The following ZNF143 variants were observed in gnomAD, a reference collection of about 807,000 sequenced individuals.
The protein encoded by ZNF143 is zinc finger protein 143.
In ZNF143, 49 loss-of-function variants were observed where a neutral mutation model predicts 74.1. The ratio of observed to expected loss-of-function variants is 0.66; its 90% CI spans 0.53 to 0.84. ZNF143 has a LOEUF of 0.84. ZNF143 is among the 40% of genes least tolerant of loss of function. ZNF143 has a pLI of 0.00. For missense variants in ZNF143, 637 were observed against 793.4 expected, an observed-to-expected ratio of 0.80 and a Z score of 2.37; for synonymous variants, 304 against 282.8, an observed-to-expected ratio of 1.07 and a Z score of -0.75.
intron 7 of ZNF143, among the ~76,000 whole-genome samples, chr11:9,488,475 T>C (rs992273244): frequency 1.3e-5 from 2 of 152,156 alleles, no homozygotes; most frequent in African/African-American, 4.8e-5. Context: ...TTCTTCTAGA[T>C]AACACTCCAA....
intron 11 of ZNF143, among the ~76,000 whole-genome samples, chr11:9,503,260 G>C (rs1396518108): frequency 6.6e-6 from 1 of 152,018 alleles, no homozygotes; most frequent in East Asian, 1.9e-4. Context: ...TTCACTTCTG[G>C]CTATTAAGAA....
intron 7 of ZNF143, among the ~76,000 whole-genome samples, chr11:9,480,441 A>G (rs12099185): frequency 1.4e-3 from 215 of 152,204 alleles, no homozygotes; most frequent in African/African-American, 4.6e-3. Context: ...TTAACTCCTA[A>G]AGTTACTACT....
At chr11:9,478,716 G>C (rs899723475) in intron 6 of ZNF143, 130 bp downstream of exon 6, 1 of 993,860 alleles carries the variant, frequency 1.0e-6, no homozygotes. Flanking sequence ...TGGCGTGATG[G>C]CTCACGCCTA....
At chr11:9,505,680 G>A (rs1002597295) in intron 11 of ZNF143, among the ~76,000 whole-genome samples, 7 of 151,444 alleles carry the variant, frequency 4.6e-5, no homozygotes, top group Admixed American at 1.3e-4. Context: ...TCAGAGTTTC[G>A]TGACCAGCCT....
At chr11:9,472,966 A>G (rs552949387) in intron 3 of ZNF143, among the ~76,000 whole-genome samples, 197 bp downstream of exon 3, 7 of 150,046 alleles carry the variant, frequency 4.7e-5, no homozygotes, top group African/African-American at 1.7e-4. Context: ...TATTTGGAAG[A>G]TACCCTGGGA....
chr11:9,494,671 GAGTAACTGCTAAATCTCAAC>G lies in ZNF143; in HGVS notation c.674_693del (p.Val225GlufsTer9). On this transcript the variant is annotated frameshift_variant, in exon 8 of 16. Transcript: ENST00000396602. LOFTEE classifies it high-confidence loss of function. ...ATTGTTTTACAAGGACATGCTACAAGAGTAACTGCTAAATCTCAACAGAGTGGAGAGAAGGCATTTCGATG... is the reference window on the plus strand; with the variant it reads ...ATTGTTTTACAAGGACATGCTACAAGAGAGTGGAGAGAAGGCATTTCGATG... The G allele has an allele frequency of 6.2e-7, 1 of 1,613,888 alleles. No individual in the cohort carries two copies. Among genetic ancestry groups the G allele is most frequent in the Non-Finnish European group, 8.5e-7 (1 of 1,179,838 alleles).
Position 9,512,567 on chromosome 11 carries a change from A to G in ZNF143, c.1495A>G (p.Thr499Ala), listed in dbSNP as rs781309413. The change falls in exon 13 of 16, where the codon ACA becomes GCA. Residue 499 changes from threonine (T) to alanine (A), a missense_variant. Transcript: ENST00000396602. The part of the protein sequence containing the change: ...VTQSGLSQQV[T>A]LISQDGTQHV... ...CCAATCTGGACTGAGTCAACAAGTT[A>G]CACTCATATCCCAGGATGGGACTCA... is the stretch of plus-strand genomic sequence containing the variant. 3 of 1,614,132 alleles carry G rather than the reference A, an allele frequency of 1.9e-6. No individual in the cohort carries two copies. The highest frequency in any genetic ancestry group is 1.3e-5 in the African/African-American group (1 of 74,944).
chr11:9,478,794 C>T (rs751092613), intron 6 of ZNF143, among the ~76,000 whole-genome samples: 27 of 150,994 alleles, frequency 1.8e-4, no homozygotes, highest in Admixed American at 3.3e-4. Context: ...GTCTCAAATT[C>T]AGAAATTAAA....
intron 11 of ZNF143, among the ~76,000 whole-genome samples, chr11:9,502,044 C>G (rs910927275): frequency 1.5e-5 from 2 of 132,220 alleles, no homozygotes; most frequent in African/African-American, 2.8e-5. Flanking sequence ...TTAAGCGATT[C>G]TCCCACCTCA....
chr11:9,504,601 A>G (rs2134122274), intron 11 of ZNF143, among the ~76,000 whole-genome samples: 1 of 124,276 alleles, frequency 8.0e-6, no homozygotes, highest in East Asian at 2.3e-4. Context: ...AAATTTTAAT[A>G]TATTGTTTTA....
At chr11:9,501,670 C>T (rs770767718) in intron 11 of ZNF143, among the ~76,000 whole-genome samples, 1 of 152,038 alleles carries the variant, frequency 6.6e-6, no homozygotes, top group Non-Finnish European at 1.5e-5. Flanking sequence ...CAGACTCAAT[C>T]CTGAAGTTTG....
rs1290853171 is a variant in ZNF143 at position 9,528,306 on chromosome 11, C to A, written c.*693C>A. ...TTTGTTAAAGATTTTGCTTAGTATT[C>A]AATTTTTATTACTGTTTTTTAAAAA... is the stretch of plus-strand genomic sequence containing the variant. On this transcript the variant is annotated 3_prime_UTR_variant, in exon 16 of 16. Transcript: ENST00000396602. 1.3e-5 allele frequency: 2 copies of A among 152,082 alleles called. No individual in the cohort carries two copies. The highest frequency in any genetic ancestry group is 4.8e-5 in the African/African-American group (2 of 41,398). 9.4% of individuals were successfully genotyped at this position (152,082 alleles called of 1,614,324 possible).
chr11:9,465,586 G>T (rs886386506), intron 1 of ZNF143, among the ~76,000 whole-genome samples: 2 of 149,294 alleles, frequency 1.3e-5, no homozygotes, highest in African/African-American at 4.9e-5. Context: ...TGCAAGCTCT[G>T]CCTCCCAGGT....
At chr11:9,465,857 C>A (rs928772605) in intron 1 of ZNF143, among the ~76,000 whole-genome samples, 27 of 151,878 alleles carry the variant, frequency 1.8e-4, no homozygotes, top group African/African-American at 5.6e-4. Flanking sequence ...GAGGATTTCT[C>A]TCTGTTTCCC....
At chr11:9,463,510 T>G (rs1048246607) in intron 1 of ZNF143, among the ~76,000 whole-genome samples, 1 of 152,198 alleles carries the variant, frequency 6.6e-6, no homozygotes, top group Non-Finnish European at 1.5e-5. Flanking sequence ...TAGGTTTGGT[T>G]TGCCTGTCTC....
chr11:9,505,181 C>A lies in ZNF143; in HGVS notation c.1148-3438C>A, dbSNP rs1160733551. On this transcript the variant is annotated intron_variant, in intron 11 of 15. Transcript: ENST00000396602. The stretch of plus-strand genomic sequence containing the variant: ...TAGAGACAGGGTTTCACCATGTTGG[C>A]CAGGATGGTCTCCATCTCCTGACGT... Among the ~76,000 whole-genome samples, 11 of 121,992 alleles carry A rather than the reference C, an allele frequency of 9.0e-5. 4 individuals carry two copies. In the East Asian group the frequency reaches 2.6e-3, roughly 29 times the overall value. The allele number at this position is 121,992 out of a possible 152,430, so 80.0% of individuals were successfully genotyped here. A position where few individuals can be genotyped will look rare whatever the true frequency, so the allele number is the denominator to read the frequency against.
chr11:9,504,032 C>G (rs1328251319), intron 11 of ZNF143, among the ~76,000 whole-genome samples: 1 of 140,952 alleles, frequency 7.1e-6, no homozygotes, highest in Non-Finnish European at 1.5e-5. Flanking sequence ...CAATCTTGGC[C>G]TGCTGCACCC....
At chr11:9,521,628 G>T (rs1173100843) in intron 14 of ZNF143, among the ~76,000 whole-genome samples, 4 of 151,276 alleles carry the variant, frequency 2.6e-5, no homozygotes, top group Non-Finnish European at 5.9e-5. Context: ...TTTTTAAGTG[G>T]ATCTATACTA....
At chr11:9,463,194 T>G (rs1221891178) in intron 1 of ZNF143, among the ~76,000 whole-genome samples, 1 of 152,268 alleles carries the variant, frequency 6.6e-6, no homozygotes, top group Admixed American at 6.5e-5. Flanking sequence ...TGATGGACAT[T>G]TGGGTTGTTT....
Sources: gnomAD v4.1 joint callset for allele counts (sites outside exome capture counted in the v4.1 genomes callset) on GRCh38, gnomAD v4.1.1 for gene constraint, MANE v1.5 for transcripts, NCBI Gene and HGNC (gene_info 2026-07-23, HGNC 2026-07-21) for gene names.